The following SUGP1 variants were observed in gnomAD, a reference collection of about 807,000 sequenced individuals.
SUGP1 encodes the protein SURP and G-patch domain-containing protein 1.
Under a neutral mutation model 76.5 loss-of-function variants are expected in SUGP1, and 34 were observed. The observed-to-expected ratio is 0.44, with a 90% CI of 0.34 to 0.59. The LOEUF (loss-of-function observed/expected upper bound fraction) is 0.59, where lower values mean the gene tolerates loss of function less well. SUGP1 is among the 20% of genes least tolerant of loss of function. The pLI is 0.01. For synonymous variants in SUGP1, 326 were observed against 326.2 expected, an observed-to-expected ratio of 1.00 and a Z score of 0.01; for missense variants, 752 against 851.7, an observed-to-expected ratio of 0.88 and a Z score of 1.46.
chr19:19,288,489 G>A (rs2061158179), intron 8 of SUGP1, among the ~76,000 whole-genome samples: 1 of 152,094 alleles, frequency 6.6e-6, no homozygotes, highest in South Asian at 2.1e-4. Context: ...TAGTAGTTAA[G>A]TTTTTGGGGA....
rs147351445 is a variant in SUGP1 at position 19,307,070 on chromosome 19, G to T, written c.311-994C>A. Among the ~76,000 whole-genome samples, 94 of 151,836 alleles carry T rather than the reference G, an allele frequency of 6.2e-4. 2 individuals carry two copies. Among genetic ancestry groups the T allele is most frequent in the Admixed American group, 5.3e-4 (8 of 15,212 alleles). ...TCATCTTTTTTTTTTTAGTGACAGG[G>T]TCTTGCTCTATCACCCAGGCTGAAG... On this transcript the variant is annotated intron_variant, in intron 3 of 13. Transcript: ENST00000247001.
chr19:19,280,166 C>T lies in SUGP1; in HGVS notation c.1350+19G>A. ...TGGGCGCCGACCATGTCCCCGTCCC[C>T]TTGTCCCCGCAGTCTTACCTCCTGC... is the stretch of plus-strand genomic sequence containing the variant. On this transcript the variant is annotated intron_variant, in intron 9 of 13. Coordinates refer to ENST00000247001, the MANE Select transcript of SUGP1 (RefSeq NM_172231.4). 6.2e-7 allele frequency: 1 copy of T among 1,611,388 alleles called. No individual in the cohort carries two copies. The highest frequency in any genetic ancestry group is 8.5e-7 in the Non-Finnish European group (1 of 1,178,194).
chr19:19,298,820 C>A (rs574504869), intron 7 of SUGP1, among the ~76,000 whole-genome samples: 1 of 152,156 alleles, frequency 6.6e-6, no homozygotes, highest in Non-Finnish European at 1.5e-5. Flanking sequence ...CTTGCTAGGG[C>A]GAGCAGGCAT....
Position 19,297,320 on chromosome 19 carries a change from T to G in SUGP1, c.912A>C (p.Gln304His), listed in dbSNP as rs1406571787. The G allele has an allele frequency of 2.6e-6, 4 of 1,523,316 alleles. No individual in the cohort carries two copies. The East Asian group carries it at 6.8e-5, about 26-fold the overall frequency. 94.4% of individuals were successfully genotyped at this position (1,523,316 alleles called of 1,614,324 possible). A position where few individuals can be genotyped will look rare whatever the true frequency, so the allele number is the denominator to read the frequency against. Reference sequence around the variant, plus strand: ...GCTTCTGTCGGTAGTACTTGTACCCTTGGCTATTGGGCTCATACAGAAAGC... The same window carrying G: ...GCTTCTGTCGGTAGTACTTGTACCCGTGGCTATTGGGCTCATACAGAAAGC... ...AFSFLYEPNS[Q>H]GYKYYRQKLE... The change falls in exon 8 of 14, where the codon CAA (glutamine) becomes CAC (histidine). Residue 304 changes from glutamine (Q) to histidine (H), a missense_variant. Around this residue, in one of 2 missense-constraint regions of SUGP1, gnomAD observed 620 missense variants for 617.3 expected, o/e 1.00. Transcript: ENST00000247001.
intron 8 of SUGP1, among the ~76,000 whole-genome samples, chr19:19,281,878 T>C (rs1386190526): frequency 6.6e-6 from 1 of 152,130 alleles, no homozygotes; most frequent in Non-Finnish European, 1.5e-5. Flanking sequence ...GACCAGGCCA[T>C]AGGCTGGCCC....
At chr19:19,299,611 TG>T (rs900486600) in intron 7 of SUGP1, among the ~76,000 whole-genome samples, 7 of 151,046 alleles carry the variant, frequency 4.6e-5, no homozygotes, top group Non-Finnish European at 4.4e-5. Flanking sequence ...CTCGATCTCC[TG>T]ACCTCGTGAT....
chr19:19,319,262 G>T (rs1272183959), intron 1 of SUGP1, among the ~76,000 whole-genome samples: 3 of 151,898 alleles, frequency 2.0e-5, no homozygotes, highest in Non-Finnish European at 4.4e-5. Flanking sequence ...CATTTTCAAG[G>T]CCCCGCCAGA....
At position 19,285,156 on chromosome 19, in the gene SUGP1, C is replaced by T. The variant is rs113438168; in HGVS notation, c.1244-4865G>A. 8.7e-3 allele frequency among the ~76,000 whole-genome samples: 1,324 copies of T among 151,656 alleles called. 15 individuals carry two copies. The highest frequency in any genetic ancestry group is 0.031 in the African/African-American group (1,279 of 41,322). On this transcript the variant is annotated intron_variant, in intron 8 of 13. Coordinates refer to ENST00000247001, the MANE Select transcript of SUGP1 (RefSeq NM_172231.4). The stretch of plus-strand genomic sequence containing the variant: ...TGCTGGGATTACAGGCGTGAGCTAC[C>T]GTGCCCAGCCTCAAACAGGTTTATT...
At chr19:19,281,007 CTCA>C (rs2061094377) in intron 8 of SUGP1, 1 of 152,298 alleles carries the variant, frequency 6.6e-6, no homozygotes, top group African/African-American at 2.4e-5. Context: ...GTCCTTCCAG[CTCA>C]TCAACACTCG....
intron 4 of SUGP1, 71 bp downstream of exon 4, chr19:19,305,777 CT>C: frequency 6.8e-7 from 1 of 1,475,968 alleles, no homozygotes; most frequent in Non-Finnish European, 9.2e-7. Flanking sequence ...AGCACTTGCC[CT>C]GCCCACCACA....
At chr19:19,280,087 G>A (rs747410097) in intron 9 of SUGP1, 98 bp downstream of exon 9, 11 of 1,198,380 alleles carry the variant, frequency 9.2e-6, no homozygotes, top group Admixed American at 2.0e-5. Flanking sequence ...GGAGCTTGGC[G>A]AAGCACATGA....
chr19:19,278,917 C>T (rs569430282), intron 10 of SUGP1, 121 bp from the exon 11 acceptor site: 5 of 1,037,154 alleles, frequency 4.8e-6, no homozygotes, highest in Middle Eastern at 2.6e-4. Flanking sequence ...GGGAAGGAGG[C>T]GGCTAGGCCA....
intron 2 of SUGP1, among the ~76,000 whole-genome samples, chr19:19,312,233 T>G (rs550028862): frequency 4.0e-5 from 6 of 151,342 alleles, no homozygotes; most frequent in Non-Finnish European, 5.9e-5. Flanking sequence ...TAAAAAAAAA[T>G]AAAAAGAAAA....
intron 7 of SUGP1, chr19:19,301,832 CAGATCCTA>C (rs1230399657): frequency 6.1e-6 from 1 of 164,384 alleles, no homozygotes; most frequent in African/African-American, 2.4e-5. Context: ...TCCCCCTCCA[CAGATCCTA>C]AAGTTCCCCA....
intron 8 of SUGP1, among the ~76,000 whole-genome samples, chr19:19,295,888 A>G (rs909648723): frequency 6.6e-6 from 1 of 152,164 alleles, no homozygotes; most frequent in Non-Finnish European, 1.5e-5. Context: ...CGTGGGGAAA[A>G]AAGGACTAAA....
chr19:19,276,384 C>T lies in SUGP1; in HGVS notation c.*264G>A, dbSNP rs1204860921. 6.6e-6 allele frequency: 3 copies of T among 455,930 alleles called. No homozygotes were observed. The highest frequency in any genetic ancestry group is 1.2e-5 in the Non-Finnish European group (3 of 251,032). 28.2% of individuals were successfully genotyped at this position (455,930 alleles called of 1,614,324 possible). On this transcript the variant is annotated 3_prime_UTR_variant, in exon 14 of 14. Coordinates refer to ENST00000247001, the MANE Select transcript of SUGP1 (RefSeq NM_172231.4). ...TTACTATGCTGAAAACAACTTTCTTCCTCCCCTCCAGTGCAACCCAGGCTG... is the reference window on the plus strand; with the variant it reads ...TTACTATGCTGAAAACAACTTTCTTTCTCCCCTCCAGTGCAACCCAGGCTG...
chr19:19,277,712 C>G (rs1252848139), intron 12 of SUGP1, 22 bp downstream of exon 12: 1 of 1,611,436 alleles, frequency 6.2e-7, no homozygotes. Flanking sequence ...ATGGCCATGC[C>G]CTCCCACAAG....
intron 13 of SUGP1, 124 bp downstream of exon 13, chr19:19,276,823 G>C: frequency 6.5e-7 from 1 of 1,536,894 alleles, no homozygotes; most frequent in Non-Finnish European, 8.8e-7. Flanking sequence ...GAATGCAGGT[G>C]GGTGGTAGGG....
intron 12 of SUGP1, among the ~76,000 whole-genome samples, chr19:19,277,349 G>A (rs2061060605): frequency 6.6e-6 from 1 of 152,052 alleles, no homozygotes; most frequent in Non-Finnish European, 1.5e-5. Flanking sequence ...GTTACTCAAG[G>A]ACAGCCTTGA....
Sources: gnomAD v4.1 joint callset for allele counts (sites outside exome capture counted in the v4.1 genomes callset) on GRCh38, gnomAD v4.1.1 for gene constraint, gnomAD v4.1.1 regional missense constraint, MANE v1.5 for transcripts, NCBI Gene and HGNC (gene_info 2026-07-23, HGNC 2026-07-21) for gene names.